KLHL24: variants seen among roughly 807,000 people sequenced by gnomAD.
KLHL24 encodes kelch-like protein 24.
A neutral mutation model predicts 53.4 loss-of-function variants in KLHL24; 29 were observed. That is an observed-to-expected ratio of 0.54 (90% CI 0.40 to 0.74). The LOEUF (loss-of-function observed/expected upper bound fraction) is 0.74. Among genes scored for constraint, KLHL24 ranks in the 30% least tolerant of loss-of-function variants. The pLI is 0.00. For missense variants in KLHL24, 504 were observed against 744.0 expected (o/e 0.68, Z 3.75); for synonymous variants, 222 against 253.7 (o/e 0.88, Z 1.19).
chr3:183,654,890 A>G (rs1718633087), intron 3 of KLHL24, among the ~76,000 whole-genome samples: 1 of 152,254 alleles, frequency 6.6e-6, no homozygotes, highest in Non-Finnish European at 1.5e-5. Flanking sequence ...TATAAGTTAA[A>G]TATTTATAGC....
chr3:183,681,936 T>A lies in KLHL24; in HGVS notation c.*2650T>A, dbSNP rs529406955. On this transcript the variant is annotated 3_prime_UTR_variant, in exon 8 of 8. Coordinates refer to ENST00000242810, the MANE Select transcript of KLHL24 (RefSeq NM_017644.3). ...TATGTATGTAGATAGTATGGTTGTA[T>A]ACACACATATATACCAAACACCATG... 10 of 152,676 alleles carry A rather than the reference T, an allele frequency of 6.5e-5. No individual in the cohort carries two copies. In the South Asian group the frequency reaches 1.7e-3, roughly 25 times the overall value. The allele number at this position is 152,676 out of a possible 1,614,324, so 9.5% of individuals were successfully genotyped here.
chr3:183,656,462 A>G (rs1194699502), intron 3 of KLHL24, among the ~76,000 whole-genome samples: 1 of 152,218 alleles, frequency 6.6e-6, no homozygotes, highest in Non-Finnish European at 1.5e-5. Context: ...TGAGGTAGAA[A>G]AAGTTCATAT....
chr3:183,664,928 A>T lies in KLHL24; in HGVS notation c.1113A>T (p.Arg371Ser). The change falls in exon 5 of 8, where the codon AGA (arginine) becomes AGT (serine). Residue 371 changes from arginine to serine, a missense_variant. Transcript: ENST00000242810. ...ATTGTTTTGCATTTCAAGGTGGAAG[A>T]ATCAACAGCCGTGATGTCTGGATTT... ...LRNDILVSGG[R>S]INSRDVWIYN... The T allele has an allele frequency of 1.3e-6, 2 of 1,599,372 alleles. No individual in the cohort carries two copies. The highest frequency in any genetic ancestry group is 1.7e-6 in the Non-Finnish European group (2 of 1,168,464).
Position 183,679,259 on chromosome 3 carries a change from A to G in KLHL24, c.1776A>G (p.Arg592=). The part of the protein sequence containing the change: ...VSYHGCVTIH[R]YNEKCFKL ...ATCATGGCTGTGTGACTATTCATAGATACAATGAGAAATGCTTTAAACTCT... is the reference window on the plus strand; with the variant it reads ...ATCATGGCTGTGTGACTATTCATAGGTACAATGAGAAATGCTTTAAACTCT... The change falls in exon 8 of 8, where the codon AGA becomes AGG. Residue 592 remains arginine, a synonymous_variant. Transcript: ENST00000242810. 5 of 1,613,936 alleles carry G rather than the reference A, an allele frequency of 3.1e-6. No individual in the cohort carries two copies. The highest frequency in any genetic ancestry group is 1.6e-4 in the Middle Eastern group (1 of 6,062).
At chr3:183,635,973 G>T (rs1715059319) in intron 1 of KLHL24, among the ~76,000 whole-genome samples, 180 bp downstream of exon 1, 1 of 152,154 alleles carries the variant, frequency 6.6e-6, no homozygotes, top group Admixed American at 6.5e-5. Flanking sequence ...TCACCTGGGG[G>T]GTCTTCCTCC....
At chr3:183,670,379 A>G (rs541181204) in intron 5 of KLHL24, among the ~76,000 whole-genome samples, 13 of 152,344 alleles carry the variant, frequency 8.5e-5, no homozygotes, top group African/African-American at 3.1e-4. Flanking sequence ...CATTTAATAA[A>G]TATCTTACTG....
Position 183,679,631 on chromosome 3 carries a change from T to A in KLHL24, c.*345T>A, listed in dbSNP as rs1576996890. On this transcript the variant is annotated 3_prime_UTR_variant, in exon 8 of 8. Coordinates refer to ENST00000242810, the MANE Select transcript of KLHL24 (RefSeq NM_017644.3). ...TGTCTTCACTTATTATGTATGTTTA[T>A]CTGTATGTATATTCCTTATTTTGTC... The A allele has an allele frequency of 4.6e-6, 1 of 216,212 alleles. No homozygotes were observed. The highest frequency in any genetic ancestry group is 8.1e-5 in the South Asian group (1 of 12,372). The allele number at this position is 216,212 out of a possible 1,614,324, so 13.4% of individuals were successfully genotyped here.
intron 3 of KLHL24, among the ~76,000 whole-genome samples, chr3:183,652,746 A>C (rs1718297683): frequency 6.6e-6 from 1 of 152,224 alleles, no homozygotes; most frequent in African/African-American, 2.4e-5. Context: ...AAAACTAAAC[A>C]GCTTCAGAGC....
intron 3 of KLHL24, among the ~76,000 whole-genome samples, chr3:183,652,586 A>C (rs1201449712): frequency 2.0e-5 from 3 of 152,054 alleles, no homozygotes; most frequent in Non-Finnish European, 4.4e-5. Flanking sequence ...AGCCATCTCC[A>C]TTTTTTCTGT....
In KLHL24 at chr3:183,679,262, C is replaced by T; in HGVS notation, c.1779C>T (p.Tyr593=). The T allele has an allele frequency of 6.2e-7, 1 of 1,613,790 alleles. No individual in the cohort carries two copies. The highest frequency in any genetic ancestry group is 8.5e-7 in the Non-Finnish European group (1 of 1,179,782). ...SYHGCVTIHR[Y]NEKCFKL ...ATGGCTGTGTGACTATTCATAGATA[C>T]AATGAGAAATGCTTTAAACTCTGAA... is the stretch of plus-strand genomic sequence containing the variant. The change falls in exon 8 of 8, where the codon TAC becomes TAT. Residue 593 remains tyrosine, a synonymous_variant. Transcript: ENST00000242810.
chr3:183,660,127 CTTTCTTT>C (rs1487423990), intron 3 of KLHL24, among the ~76,000 whole-genome samples: 1 of 135,076 alleles, frequency 7.4e-6, no homozygotes, highest in African/African-American at 3.0e-5. Context: ...TGGCGTTTTT[CTTTCTTT>C]TTTTTTTTTT....
chr3:183,642,208 C>G (rs1279617957), intron 1 of KLHL24, among the ~76,000 whole-genome samples: 1 of 152,132 alleles, frequency 6.6e-6, no homozygotes, highest in Non-Finnish European at 1.5e-5. Flanking sequence ...TGCATTGATT[C>G]AGGATCTTAT....
chr3:183,662,408 ATAAG>A (rs1157962101), intron 3 of KLHL24, among the ~76,000 whole-genome samples: 4 of 151,702 alleles, frequency 2.6e-5, no homozygotes, highest in African/African-American at 4.9e-5. Flanking sequence ...TTTCCCCTCT[ATAAG>A]TAAGAGAAGA....
intron 7 of KLHL24, among the ~76,000 whole-genome samples, chr3:183,674,821 T>A (rs1410134883): frequency 2.0e-5 from 3 of 152,224 alleles, no homozygotes; most frequent in African/African-American, 7.2e-5. Flanking sequence ...ACCTTAAGTA[T>A]CTGTCATTTG....
chr3:183,644,364 A>T (rs572163206), intron 2 of KLHL24, among the ~76,000 whole-genome samples: 14 of 152,122 alleles, frequency 9.2e-5, no homozygotes, highest in Non-Finnish European at 1.9e-4. Flanking sequence ...TATACATAGG[A>T]AGTGTTTACA....
chr3:183,673,700 CATA>C (rs896878852), intron 7 of KLHL24, among the ~76,000 whole-genome samples: 2 of 152,186 alleles, frequency 1.3e-5, no homozygotes, highest in Non-Finnish European at 2.9e-5. Flanking sequence ...TGGCTCTACA[CATA>C]CCACTCTAGA....
intron 1 of KLHL24, among the ~76,000 whole-genome samples, chr3:183,640,371 T>C (rs542995180): frequency 5.3e-5 from 8 of 152,336 alleles, no homozygotes; most frequent in Admixed American, 1.3e-4. Context: ...AGTATTCTTT[T>C]TTAGTTAAAG....
chr3:183,665,885 C>CTTTT (rs10692613), intron 5 of KLHL24, among the ~76,000 whole-genome samples: 2,914 of 142,926 alleles, frequency 0.02, 107 homozygotes, highest in East Asian at 0.16. Context: ...GAGAATCAAA[C>CTTTT]TTTTTTTTTT....
At chr3:183,641,474 C>CAAAAAAA (rs202119480) in intron 1 of KLHL24, among the ~76,000 whole-genome samples, 19 of 70,208 alleles carry the variant, frequency 2.7e-4, no homozygotes, top group African/African-American at 3.3e-4. Context: ...GAGACTGTCT[C>CAAAAAAA]AAAAAAAAAA....
Sources: gnomAD v4.1 joint callset for allele counts (sites outside exome capture counted in the v4.1 genomes callset) on GRCh38, gnomAD v4.1.1 for gene constraint, MANE v1.5 for transcripts, NCBI Gene and HGNC (gene_info 2026-07-23, HGNC 2026-07-21) for gene names.